The following PI4K2A variants were observed in gnomAD, a reference collection of about 807,000 sequenced individuals.
PI4K2A encodes phosphatidylinositol 4-kinase type 2 alpha, also known as phosphatidylinositol 4-kinase type 2-alpha.
PI4K2A carries 20 observed loss-of-function variants against 55.0 expected under a neutral mutation model. The observed-to-expected ratio is 0.36, with a 90% CI of 0.26 to 0.53. PI4K2A has a LOEUF of 0.53. Ranked by LOEUF, PI4K2A falls within the 20% of genes least tolerant of loss-of-function variation. The pLI, the probability that PI4K2A is intolerant of heterozygous loss-of-function variation, is 0.91. For missense variants in PI4K2A, 463 were observed against 637.1 expected, an observed-to-expected ratio of 0.73 and a Z score of 2.94; for synonymous variants, 235 against 258.5, an observed-to-expected ratio of 0.91 and a Z score of 0.87.
intron 4 of PI4K2A, among the ~76,000 whole-genome samples, chr10:97,661,060 C>T (rs1348661362): frequency 2.6e-5 from 4 of 151,876 alleles, no homozygotes; most frequent in East Asian, 1.9e-4. Flanking sequence ...GGCCCAATCT[C>T]GGTTCACTGC....
chr10:97,660,862 C>G (rs1401792399), intron 4 of PI4K2A, among the ~76,000 whole-genome samples: 3 of 151,508 alleles, frequency 2.0e-5, no homozygotes, highest in Admixed American at 2.0e-4. Flanking sequence ...ATAATAAACC[C>G]CATGTACTTG....
chr10:97,661,230 A>G (rs1209479394), intron 4 of PI4K2A, among the ~76,000 whole-genome samples: 1 of 152,066 alleles, frequency 6.6e-6, no homozygotes, highest in African/African-American at 2.4e-5. Flanking sequence ...TGACCTCGTG[A>G]TCCGCCCACC....
chr10:97,646,219 ATTTT>A (rs34709946), intron 1 of PI4K2A, among the ~76,000 whole-genome samples: 1 of 141,636 alleles, frequency 7.1e-6, no homozygotes. Flanking sequence ...GTCCTTAATA[ATTTT>A]TTTTTTTTTT....
At chr10:97,675,259 CA>C in exon 9 of PI4K2A, 1 of 152,606 alleles carries the variant, frequency 6.6e-6, no homozygotes, top group East Asian at 1.9e-4. Context: ...GGCTGCAGAG[CA>C]GAGATGTGCA....
chr10:97,675,965 CCT>C (rs1447266223), exon 9 of PI4K2A: 14 of 152,650 alleles, frequency 9.2e-5, no homozygotes, highest in South Asian at 2.1e-4. Flanking sequence ...GTTGCTGCCC[CCT>C]GTGTCATTCT....
intron 2 of PI4K2A, among the ~76,000 whole-genome samples, chr10:97,655,369 CAAAA>C: frequency 1.5e-5 from 1 of 67,774 alleles, no homozygotes; most frequent in African/African-American, 5.7e-5. Context: ...GACTCTGTCT[CAAAA>C]AAAAAAAAAA....
chr10:97,642,805 T>TCC lies in PI4K2A; in HGVS notation c.435+1628_435+1629insCC, dbSNP rs1423112379. Among the ~76,000 whole-genome samples the TCC allele has an allele frequency of 1.5e-4, 19 of 128,430 alleles. 1 individual carries two copies. Among genetic ancestry groups the TCC allele is most frequent in the Middle Eastern group, 4.0e-3 (1 of 248 alleles). 84.3% of individuals were successfully genotyped at this position (128,430 alleles called of 152,430 possible). On this transcript the variant is annotated intron_variant, in intron 1 of 8. Transcript: ENST00000370631. ...AGCCAGAGGCTTGCTTGCTTTCTCT[T>TCC]TCTTCCTTCCTTCCTTCCTTCCTTC...
intron 1 of PI4K2A, among the ~76,000 whole-genome samples, chr10:97,650,530 C>T (rs556210009): frequency 1.1e-4 from 17 of 152,144 alleles, no homozygotes; most frequent in Non-Finnish European, 2.2e-4. Flanking sequence ...TATCCACCCG[C>T]CTTGGCCTCC....
At chr10:97,659,289 C>A (rs1589935528) in intron 4 of PI4K2A, among the ~76,000 whole-genome samples, 1 of 152,186 alleles carries the variant, frequency 6.6e-6, no homozygotes, top group South Asian at 2.1e-4. Flanking sequence ...CTACCTCAGC[C>A]TCTCAAAGTG....
At chr10:97,642,823 C>CTTTCTTTCT (rs11399402) in intron 1 of PI4K2A, among the ~76,000 whole-genome samples, 1 of 16,634 alleles carries the variant, frequency 6.0e-5, no homozygotes, top group African/African-American at 9.8e-5. Context: ...TCCTTCCTTC[C>CTTTCTTTCT]TTCCTTCCTT....
Position 97,656,753 on chromosome 10 carries a change from C to T in PI4K2A, c.769-68C>T. 2 of 1,433,780 alleles carry T rather than the reference C, an allele frequency of 1.4e-6. No individual in the cohort carries two copies. Among genetic ancestry groups the T allele is most frequent in the Non-Finnish European group, 2.0e-6 (2 of 1,021,628 alleles). The allele number at this position is 1,433,780 out of a possible 1,614,324, so 88.8% of individuals were successfully genotyped here. On this transcript the variant is annotated intron_variant, in intron 3 of 8. Coordinates refer to ENST00000370631, the Ensembl canonical transcript of PI4K2A. The surrounding 1 kb of genome is among the most constrained non-coding windows in gnomAD (Gnocchi z 4.5). ...CCATAGGGCCTTAATGGGTATCTGG[C>T]ATATACTCCAAAGGTCTTTGGATTT...
intron 1 of PI4K2A, among the ~76,000 whole-genome samples, chr10:97,642,802 T>TTCCTTCCTTCCTTC (rs2041477572): frequency 7.2e-6 from 1 of 139,192 alleles, no homozygotes. Context: ...GCTTGCTTTC[T>TTCCTTCCTTCCTTC]CTTTCTTCCT....
At chr10:97,641,401 A>G (rs1036117189) in intron 1 of PI4K2A, among the ~76,000 whole-genome samples, 9 of 152,020 alleles carry the variant, frequency 5.9e-5, no homozygotes, top group Admixed American at 3.9e-4. Context: ...AAATGAAAAG[A>G]GGAAATTGAC....
At chr10:97,651,467 C>T (rs2041529891) in intron 2 of PI4K2A, among the ~76,000 whole-genome samples, 1 of 152,302 alleles carries the variant, frequency 6.6e-6, no homozygotes, top group Admixed American at 6.5e-5. Context: ...GTGGCTTACT[C>T]TCAGACTTCT....
chr10:97,641,452 C>T (rs1362085279), intron 1 of PI4K2A, among the ~76,000 whole-genome samples: 1 of 152,144 alleles, frequency 6.6e-6, no homozygotes, highest in African/African-American at 2.4e-5. Flanking sequence ...TGGGGCAATC[C>T]GCCGCTGGAC....
upstream of PI4K2A, chr10:97,640,672 T>C: frequency 2.6e-6 from 3 of 1,162,336 alleles, no homozygotes; most frequent in South Asian, 2.0e-5. Context: ...CTGGGGGATG[T>C]CACGGATTGG....
rs1470670592 is a variant in PI4K2A at position 97,656,596 on chromosome 10, T to C, written c.768+180T>C. On this transcript the variant is annotated intron_variant, in intron 3 of 8. Transcript: ENST00000370631. The surrounding 1 kb of genome is among the most constrained non-coding windows in gnomAD (Gnocchi z 4.5). ...GAAAAGTTGAGACCTAACTTTTCAC[T>C]TTACTCCTCTGGTTCATTTGGATAG... Among the ~76,000 whole-genome samples the C allele has an allele frequency of 6.6e-6, 1 of 152,220 alleles. No homozygotes were observed. Among genetic ancestry groups the C allele is most frequent in the Non-Finnish European group, 1.5e-5 (1 of 68,042 alleles).
intron 4 of PI4K2A, among the ~76,000 whole-genome samples, chr10:97,660,582 T>C (rs1358432609): frequency 6.6e-6 from 1 of 151,638 alleles, no homozygotes; most frequent in Non-Finnish European, 1.5e-5. Flanking sequence ...GTGTGAGCCA[T>C]CGAGCCCGGG....
At chr10:97,670,219 A>G (rs904121452) in intron 8 of PI4K2A, among the ~76,000 whole-genome samples, 11 of 152,300 alleles carry the variant, frequency 7.2e-5, no homozygotes, top group African/African-American at 2.6e-4. Context: ...CAAAGATAGT[A>G]TTTATTCTTT....
Sources: gnomAD v4.1 joint callset for allele counts (sites outside exome capture counted in the v4.1 genomes callset) on GRCh38, gnomAD v4.1.1 for gene constraint, Gnocchi (gnomAD v3.1) non-coding constraint, MANE v1.5 for transcripts, NCBI Gene and HGNC (gene_info 2026-07-23, HGNC 2026-07-21) for gene names.